The following PDCD6IP variants were observed in gnomAD, a reference collection of about 807,000 sequenced individuals.
The protein encoded by PDCD6IP is programmed cell death 6 interacting protein.
A neutral mutation model predicts 103.7 loss-of-function variants in PDCD6IP; 43 were observed. The ratio of observed to expected loss-of-function variants is 0.41; its 90% CI spans 0.32 to 0.53. The LOEUF is 0.53. PDCD6IP is among the 20% of genes least tolerant of loss of function. The pLI is 0.16. For missense variants in PDCD6IP, 871 were observed against 1,036.7 expected (o/e 0.84, Z 2.20); for synonymous variants, 354 against 378.7 (o/e 0.93, Z 0.76).
rs150333266 is a variant in PDCD6IP, at chr3:33,850,100, G to A, written c.1642-2388G>A. Among the ~76,000 whole-genome samples, 3 of 152,184 alleles carry A rather than the reference G, an allele frequency of 2.0e-5. No individual in the cohort carries two copies. The East Asian group carries it at 5.8e-4, about 29-fold the overall frequency. ...CTTACCCTTTGTTAGAAGTTATGTT[G>A]AGCACTTTATATAGATTATCTCAGT... is the stretch of plus-strand genomic sequence containing the variant. On this transcript the variant is annotated intron_variant, in intron 12 of 17. Transcript: ENST00000307296.
intron 4 of PDCD6IP, among the ~76,000 whole-genome samples, chr3:33,824,546 A>C (rs1298282841): frequency 6.6e-6 from 1 of 151,926 alleles, no homozygotes; most frequent in Non-Finnish European, 1.5e-5. Context: ...GGCGTGAGCC[A>C]CCGCACCCGG....
At chr3:33,844,279 T>G in intron 11 of PDCD6IP, 56 bp downstream of exon 11, 1 of 973,286 alleles carries the variant, frequency 1.0e-6, no homozygotes, top group South Asian at 1.9e-5. Context: ...TCGACCCACG[T>G]TTTTGCTTGA....
chr3:33,803,693 T>C (rs1043070413), intron 1 of PDCD6IP, among the ~76,000 whole-genome samples: 1 of 152,192 alleles, frequency 6.6e-6, no homozygotes, highest in African/African-American at 2.4e-5. Flanking sequence ...GCATGTGTTA[T>C]GTGTGATTTT....
intron 1 of PDCD6IP, 58 bp downstream of exon 1, chr3:33,798,995 T>C (rs981531590): frequency 1.7e-5 from 23 of 1,388,756 alleles, no homozygotes; most frequent in Middle Eastern, 2.5e-4. Context: ...GCCGCTCCTC[T>C]TCCCGTCTCC....
At chr3:33,853,033 C>G (rs1417064535) in intron 13 of PDCD6IP, among the ~76,000 whole-genome samples, 2 of 151,462 alleles carry the variant, frequency 1.3e-5, no homozygotes, top group Non-Finnish European at 1.5e-5. Context: ...ACGCCATTCT[C>G]CCGCTTCAGC....
intron 1 of PDCD6IP, among the ~76,000 whole-genome samples, chr3:33,800,337 G>T (rs541473386): frequency 7.1e-4 from 108 of 152,148 alleles, no homozygotes; most frequent in Non-Finnish European, 6.9e-4. Flanking sequence ...TTTCTCCTTA[G>T]CTCTGGTGGA....
At chr3:33,821,090 T>C (rs1042352792) in intron 3 of PDCD6IP, among the ~76,000 whole-genome samples, 3 of 152,264 alleles carry the variant, frequency 2.0e-5, no homozygotes, top group African/African-American at 7.2e-5. Flanking sequence ...CACTGCAGCC[T>C]TGAACTCCTG....
chr3:33,866,798 G>A lies in PDCD6IP; in HGVS notation c.*273G>A. ...AAATTGAAAATGAGAAATTAAACCT[G>A]CAAGTGAAACATTTGAAACGATTAT... is the stretch of plus-strand genomic sequence containing the variant. On this transcript the variant is annotated 3_prime_UTR_variant, in exon 18 of 18. Transcript: ENST00000307296. 1 of 309,426 alleles carries A rather than the reference G, an allele frequency of 3.2e-6. No individual in the cohort carries two copies. The highest frequency in any genetic ancestry group is 5.0e-5 in the Admixed American group (1 of 20,056). 19.2% of individuals were successfully genotyped at this position (309,426 alleles called of 1,614,324 possible).
At chr3:33,831,764 G>GCACACA (rs60549910) in intron 7 of PDCD6IP, among the ~76,000 whole-genome samples, 2 of 148,778 alleles carry the variant, frequency 1.3e-5, no homozygotes, top group African/African-American at 4.9e-5. Flanking sequence ...TACATAGACA[G>GCACACA]CACACACACA....
intron 6 of PDCD6IP, chr3:33,826,956 C>T (rs1575918464): frequency 1.0e-6 from 1 of 996,958 alleles, no homozygotes; most frequent in African/African-American, 1.7e-5. Context: ...AATTATTGTC[C>T]TGTTTTCTTA....
chr3:33,830,972 A>G (rs994621597), intron 7 of PDCD6IP, among the ~76,000 whole-genome samples: 1 of 152,150 alleles, frequency 6.6e-6, no homozygotes, highest in African/African-American at 2.4e-5. Context: ...GAAATAACTT[A>G]TTGGTCCTGT....
Position 33,812,102 on chromosome 3 carries a change from C to G in PDCD6IP, c.240C>G (p.Pro80=). 6.3e-7 allele frequency: 1 copy of G among 1,597,834 alleles called. No homozygotes were observed. Among genetic ancestry groups the G allele is most frequent in the Non-Finnish European group, 8.5e-7 (1 of 1,172,450 alleles). The change falls in exon 2 of 18, where the codon CCC becomes CCG. Residue 80 remains proline, a synonymous_variant. Transcript: ENST00000307296. The part of the protein sequence containing the change: ...RYYDQICSIE[P]KFPFSENQIC... Reference sequence around the variant, plus strand: ...ATGATCAGATTTGTTCTATTGAACCCAAATTCCCATTTTCTGAAAATCAGG... The same window carrying G: ...ATGATCAGATTTGTTCTATTGAACCGAAATTCCCATTTTCTGAAAATCAGG...
chr3:33,856,363 A>G (rs1472551556), intron 15 of PDCD6IP, among the ~76,000 whole-genome samples: 3 of 152,112 alleles, frequency 2.0e-5, no homozygotes, highest in Admixed American at 2.0e-4. Context: ...AGGGAAGAAT[A>G]AAACCGTGAC....
At chr3:33,845,013 A>G (rs1293952231) in intron 11 of PDCD6IP, among the ~76,000 whole-genome samples, 3 of 151,334 alleles carry the variant, frequency 2.0e-5, no homozygotes, top group Non-Finnish European at 2.9e-5. Context: ...AAAAGTTCAT[A>G]TATTATTGAG....
At chr3:33,832,667 T>TG (rs1294721995) in intron 7 of PDCD6IP, among the ~76,000 whole-genome samples, 3 of 152,214 alleles carry the variant, frequency 2.0e-5, no homozygotes, top group Non-Finnish European at 4.4e-5. Context: ...AGATTCACGG[T>TG]ATATATTGGG....
chr3:33,848,635 C>G (rs1219761153), intron 12 of PDCD6IP, among the ~76,000 whole-genome samples: 1 of 152,140 alleles, frequency 6.6e-6, no homozygotes, highest in African/African-American at 2.4e-5. Flanking sequence ...GATCGCTTGA[C>G]CTTGTGATCC....
chr3:33,828,944 T>C lies in PDCD6IP; in HGVS notation c.809T>C (p.Phe270Ser). Residue 270 changes from phenylalanine to serine, a missense_variant, in exon 7 of 18, where the codon TTT becomes TCT. By Grantham distance (155) the Phe-to-Ser change is radical (BLOSUM62 -2). Transcript: ENST00000307296. ...QSILAKQQKK[F>S]GEEIARLQHA... is the part of the protein sequence containing the mutation. ...ATCCTGGCAAAACAGCAGAAGAAAT[T>C]TGGAGAAGAAATTGCAAGGTTACAG... 1 of 1,609,304 alleles carries C rather than the reference T, an allele frequency of 6.2e-7. No individual in the cohort carries two copies. Among genetic ancestry groups the C allele is most frequent in the Non-Finnish European group, 8.5e-7 (1 of 1,177,294 alleles).
intron 3 of PDCD6IP, among the ~76,000 whole-genome samples, chr3:33,821,044 A>T (rs904078307): frequency 6.6e-6 from 1 of 152,082 alleles, no homozygotes; most frequent in African/African-American, 2.4e-5. Context: ...TCTTGCTCTG[A>T]CGCTCAGGGT....
intron 1 of PDCD6IP, among the ~76,000 whole-genome samples, chr3:33,806,653 A>G (rs1271300216): frequency 1.3e-5 from 2 of 152,230 alleles, no homozygotes; most frequent in Non-Finnish European, 2.9e-5. Flanking sequence ...TGTTAGAGAT[A>G]CATCCTAGGC....
Sources: gnomAD v4.1 joint callset for allele counts (sites outside exome capture counted in the v4.1 genomes callset) on GRCh38, gnomAD v4.1.1 for gene constraint, MANE v1.5 for transcripts, NCBI Gene and HGNC (gene_info 2026-07-23, HGNC 2026-07-21) for gene names.